NSD1: variants seen among roughly 807,000 people sequenced by gnomAD.
The protein encoded by NSD1 is nuclear receptor binding SET domain protein 1, also known as histone-lysine N-methyltransferase, H3 lysine-36 specific.
Under a neutral mutation model 242.7 loss-of-function variants are expected in NSD1, and 26 were observed. The observed-to-expected ratio is 0.11, with a 90% CI of 0.08 to 0.15. The LOEUF (loss-of-function observed/expected upper bound fraction) is 0.15, where lower values mean the gene tolerates loss of function less well. Ranked by LOEUF, NSD1 falls within the 10% of genes least tolerant of loss-of-function variation. The pLI is 1.00. For missense variants in NSD1, 2,495 were observed against 3,272.8 expected (o/e 0.76, Z 5.80); for synonymous variants, 1,106 against 1,178.1 (o/e 0.94, Z 1.25).
intron 16 of NSD1, among the ~76,000 whole-genome samples, chr5:177,270,942 C>G (rs114958023): frequency 8.1e-4 from 124 of 152,180 alleles, no homozygotes; most frequent in Non-Finnish European, 1.6e-3. Flanking sequence ...ACTAATACTT[C>G]AGGAGCTGGG....
intron 3 of NSD1, among the ~76,000 whole-genome samples, chr5:177,197,225 A>G (rs1396232028): frequency 6.6e-6 from 1 of 151,972 alleles, no homozygotes; most frequent in Admixed American, 6.6e-5. Context: ...AGCCGAGATC[A>G]TACCACTGCT....
At chr5:177,196,265 A>G (rs951422410) in intron 3 of NSD1, among the ~76,000 whole-genome samples, 8 of 152,186 alleles carry the variant, frequency 5.3e-5, no homozygotes. Flanking sequence ...CTCAGAAACA[A>G]TGTATATAAT....
intron 3 of NSD1, among the ~76,000 whole-genome samples, chr5:177,203,132 A>G (rs1259793899): frequency 6.6e-6 from 1 of 152,140 alleles, no homozygotes. Context: ...TTACAAGGGA[A>G]CTAGATGTGA....
chr5:177,156,965 T>C (rs13166688), intron 2 of NSD1, among the ~76,000 whole-genome samples: 39,322 of 152,022 alleles, frequency 0.26, 6,395 homozygotes, highest in East Asian at 0.51. Context: ...AGCGAGACTC[T>C]GTCTCTAAAT....
chr5:177,139,175 C>T (rs1183611802), intron 2 of NSD1, among the ~76,000 whole-genome samples: 3 of 151,452 alleles, frequency 2.0e-5, no homozygotes, highest in South Asian at 2.1e-4. Context: ...CACTTGAACC[C>T]GGGAGGCTGA....
chr5:177,287,082 A>G (rs1759396246), intron 20 of NSD1, among the ~76,000 whole-genome samples: 1 of 152,210 alleles, frequency 6.6e-6, no homozygotes, highest in African/African-American at 2.4e-5. Context: ...GCTCTTTGCC[A>G]TGCCCAGTAA....
chr5:177,259,215 A>G (rs1442009112), intron 13 of NSD1, among the ~76,000 whole-genome samples: 1 of 152,240 alleles, frequency 6.6e-6, no homozygotes, highest in Non-Finnish European at 1.5e-5. Context: ...TTGAGGAGGT[A>G]AAATTTAGCA....
At chr5:177,220,563 C>CTTTTT (rs869220346) in intron 5 of NSD1, among the ~76,000 whole-genome samples, 26 of 84,358 alleles carry the variant, frequency 3.1e-4, no homozygotes, top group East Asian at 8.6e-4. Context: ...ATAGTAATTG[C>CTTTTT]TTTTTTTTTT....
rs1757753834 is a variant in NSD1 at position 177,269,149 on chromosome 5, G to C, written c.5304-453G>C. ...TATGTGTTTGTGTTTTGATTTCTTG[G>C]TGCTGTTCTCCCATATTCCTACTAA... is the stretch of plus-strand genomic sequence containing the variant. On this transcript the variant is annotated intron_variant, in intron 15 of 22. Coordinates refer to ENST00000439151, the MANE Select transcript of NSD1 (RefSeq NM_022455.5). The surrounding 1 kb of genome is among the most constrained non-coding windows in gnomAD (Gnocchi z 5.1). 6.6e-6 allele frequency among the ~76,000 whole-genome samples: 1 copy of C among 151,942 alleles called. No individual in the cohort carries two copies. Among genetic ancestry groups the C allele is most frequent in the Non-Finnish European group, 1.5e-5 (1 of 67,998 alleles).
chr5:177,284,967 T>G (rs776246322), intron 20 of NSD1, among the ~76,000 whole-genome samples: 2 of 152,128 alleles, frequency 1.3e-5, no homozygotes, highest in Non-Finnish European at 2.9e-5. Context: ...AACAAAAACC[T>G]CTCAACCTCT....
chr5:177,158,261 C>CTT, intron 2 of NSD1, among the ~76,000 whole-genome samples: 1 of 93,650 alleles, frequency 1.1e-5, no homozygotes, highest in African/African-American at 5.8e-5. Flanking sequence ...TTCTTTCTTT[C>CTT]TTTCTTTCTT....
rs1418569426 is a variant in NSD1 at position 177,238,968 on chromosome 5, C to T, written c.4192+461C>T. Among the ~76,000 whole-genome samples the T allele has an allele frequency of 1.3e-5, 2 of 152,228 alleles. No homozygotes were observed. The highest frequency in any genetic ancestry group is 2.9e-5 in the Non-Finnish European group (2 of 68,008). On this transcript the variant is annotated intron_variant, in intron 7 of 22. Coordinates refer to ENST00000439151, the MANE Select transcript of NSD1 (RefSeq NM_022455.5). The surrounding 1 kb of genome is among the most constrained non-coding windows in gnomAD (Gnocchi z 4.6). ...ATATACCTGACAACATAGTAATTAC[C>T]AGTTCATTAGAAGTTAATTACCAGT...
intron 14 of NSD1, among the ~76,000 whole-genome samples, chr5:177,261,804 T>C (rs1368476590): frequency 2.0e-5 from 3 of 152,200 alleles, no homozygotes; most frequent in Non-Finnish European, 4.4e-5. Flanking sequence ...TATTTTCAGA[T>C]TTTATTTTGT....
chr5:177,164,902 C>A lies in NSD1; in HGVS notation c.928-26982C>A, dbSNP rs183986265. ...AGGTTACAGTGAGCCGAGATCCTGC[C>A]GCTGCATTGAAGCCTGGGTGAGAAG... On this transcript the variant is annotated intron_variant, in intron 2 of 22. Coordinates refer to ENST00000439151, the MANE Select transcript of NSD1 (RefSeq NM_022455.5). Among the ~76,000 whole-genome samples, 115 of 151,188 alleles carry A rather than the reference C, an allele frequency of 7.6e-4. 2 individuals are homozygous for A. Among genetic ancestry groups the A allele is most frequent in the Admixed American group, 5.7e-3 (86 of 15,136 alleles).
At chr5:177,203,860 A>G (rs940044340) in intron 3 of NSD1, among the ~76,000 whole-genome samples, 1 of 152,194 alleles carries the variant, frequency 6.6e-6, no homozygotes, top group Non-Finnish European at 1.5e-5. Context: ...TAGTTAATCT[A>G]CATTTAGCTG....
At chr5:177,263,567 A>G (rs1757161214) in intron 14 of NSD1, among the ~76,000 whole-genome samples, 1 of 152,194 alleles carries the variant, frequency 6.6e-6, no homozygotes, top group South Asian at 2.1e-4. Context: ...TAGTTTTATT[A>G]TATCTTGTCC....
rs1554173192 is a variant in NSD1 at position 177,158,998 on chromosome 5, T to TTATATATATATATATGAATGA, written c.927+22983_927+22984insGAATGATATATATATATATAT. 2.1e-4 allele frequency among the ~76,000 whole-genome samples: 26 copies of TTATATATATATATATGAATGA among 122,596 alleles called. 2 individuals are homozygous for TTATATATATATATATGAATGA. The highest frequency in any genetic ancestry group is 9.5e-4 in the African/African-American group (25 of 26,314). 80.4% of individuals were successfully genotyped at this position (122,596 alleles called of 152,430 possible). On this transcript the variant is annotated intron_variant, in intron 2 of 22. Coordinates refer to ENST00000439151, the MANE Select transcript of NSD1 (RefSeq NM_022455.5). ...TATACACACATATATATGAATGATT[T>TTATATATATATATATGAATGA]TATATATATATATATATATATATAT...
chr5:177,267,501 A>T (rs1757590826), intron 14 of NSD1, 61 bp from the exon 15 acceptor site: 6 of 1,305,378 alleles, frequency 4.6e-6, no homozygotes, highest in Non-Finnish European at 5.6e-6. Flanking sequence ...ATGTGTATGG[A>T]TGTACACATA....
chr5:177,290,528 C>G (rs1759737484), intron 21 of NSD1, among the ~76,000 whole-genome samples: 1 of 151,994 alleles, frequency 6.6e-6, no homozygotes. Context: ...CTGCCTCAGC[C>G]TCCCAGGTAG....
Sources: gnomAD v4.1 joint callset for allele counts (sites outside exome capture counted in the v4.1 genomes callset) on GRCh38, gnomAD v4.1.1 for gene constraint, Gnocchi (gnomAD v3.1) non-coding constraint, MANE v1.5 for transcripts, NCBI Gene and HGNC (gene_info 2026-07-23, HGNC 2026-07-21) for gene names.